Variants in ALX1 observed in about 807,000 individuals in gnomAD.
ALX1 encodes ALX homeobox 1.
Under a neutral mutation model 31.7 loss-of-function variants are expected in ALX1, and 19 were observed. The observed-to-expected ratio is 0.60, with a 90% CI of 0.42 to 0.88. ALX1 has a LOEUF of 0.88. Ranked by LOEUF, ALX1 falls within the 40% of genes least tolerant of loss-of-function variation. The probability of loss-of-function intolerance (pLI) is 0.00; values close to 1 mark genes in which losing one functional copy is unlikely to be tolerated. For synonymous variants in ALX1, 153 were observed against 148.8 expected, an observed-to-expected ratio of 1.03 and a Z score of -0.20; for missense variants, 415 against 407.8, an observed-to-expected ratio of 1.02 and a Z score of -0.15.
chr12:85,298,022 C>T (rs1446408043), intron 3 of ALX1, among the ~76,000 whole-genome samples: 1 of 151,622 alleles, frequency 6.6e-6, no homozygotes, highest in Non-Finnish European at 1.5e-5. Context: ...AAGGACTTAC[C>T]TTGTACCACA....
chr12:85,281,418 A>G (rs1252049943), intron 1 of ALX1, among the ~76,000 whole-genome samples: 1 of 152,230 alleles, frequency 6.6e-6, no homozygotes, highest in Non-Finnish European at 1.5e-5. Context: ...TTATCATTGT[A>G]TATATTCCAC....
intron 2 of ALX1, among the ~76,000 whole-genome samples, chr12:85,285,365 A>G (rs1419077536): frequency 6.6e-6 from 1 of 152,002 alleles, no homozygotes; most frequent in Non-Finnish European, 1.5e-5. Flanking sequence ...TCAATGGAAA[A>G]AAAAATAAAA....
At chr12:85,292,710 CTGTAGACATAT>C (rs1038730438) in intron 3 of ALX1, among the ~76,000 whole-genome samples, 2 of 150,540 alleles carry the variant, frequency 1.3e-5, no homozygotes, top group Non-Finnish European at 3.0e-5. Context: ...ATATAATAGA[CTGTAGACATAT>C]TGCTTATCTA....
intron 3 of ALX1, among the ~76,000 whole-genome samples, chr12:85,299,661 T>A (rs1404059876): frequency 6.6e-6 from 1 of 151,864 alleles, no homozygotes; most frequent in Non-Finnish European, 1.5e-5. Flanking sequence ...AAGGTTTTTC[T>A]CTTACGTTTT....
chr12:85,299,036 G>T (rs1012167601), intron 3 of ALX1, among the ~76,000 whole-genome samples: 3 of 150,536 alleles, frequency 2.0e-5, no homozygotes, highest in South Asian at 2.1e-4. Context: ...GAATATGAAT[G>T]AATGATTTTA....
intron 1 of ALX1, among the ~76,000 whole-genome samples, chr12:85,282,893 T>C (rs1896695962): frequency 7.1e-6 from 1 of 141,400 alleles, no homozygotes; most frequent in East Asian, 2.0e-4. Context: ...CGTAAGTTTT[T>C]AGGTAAAAAA....
intron 2 of ALX1, among the ~76,000 whole-genome samples, chr12:85,284,708 A>G (rs1434622982): frequency 1.3e-5 from 2 of 152,132 alleles, no homozygotes; most frequent in African/African-American, 2.4e-5. Context: ...TACATTTGAT[A>G]TTCTTAAACT....
intron 3 of ALX1, among the ~76,000 whole-genome samples, chr12:85,299,723 G>A (rs1896938325): frequency 6.6e-6 from 1 of 151,758 alleles, no homozygotes; most frequent in Non-Finnish European, 1.5e-5. Context: ...TTTTACCAGT[G>A]TGATCTAGAA....
intron 3 of ALX1, among the ~76,000 whole-genome samples, chr12:85,292,561 G>A (rs1896831955): frequency 6.6e-6 from 1 of 151,020 alleles, no homozygotes; most frequent in Non-Finnish European, 1.5e-5. Context: ...TCAAGTTATA[G>A]GTAATTTGTG....
At position 85,301,605 on chromosome 12, in the gene ALX1, T is replaced by G; in HGVS notation, c.*130T>G. 1.1e-6 allele frequency: 1 copy of G among 915,212 alleles called. No homozygotes were observed. The highest frequency in any genetic ancestry group is 1.5e-5 in the South Asian group (1 of 65,032). The allele number at this position is 915,212 out of a possible 1,614,324, so 56.7% of individuals were successfully genotyped here. ...GTCAAGATATTCAGTGAGACCAGCT[T>G]AAATGAATAGTTGTTATTTAACATT... is the stretch of plus-strand genomic sequence containing the variant. On this transcript the variant is annotated 3_prime_UTR_variant, in exon 4 of 4. Transcript: ENST00000316824.
At chr12:85,288,673 A>G (rs532063179) in intron 3 of ALX1, among the ~76,000 whole-genome samples, 1 of 151,528 alleles carries the variant, frequency 6.6e-6, no homozygotes, top group Admixed American at 6.6e-5. Flanking sequence ...CCTCACAACA[A>G]CCTTATGTGC....
chr12:85,284,303 G>A (rs1896720818), intron 2 of ALX1, among the ~76,000 whole-genome samples: 2 of 143,746 alleles, frequency 1.4e-5, no homozygotes, highest in Admixed American at 7.0e-5. Context: ...TTGTATAATA[G>A]CCCATACATC....
intron 3 of ALX1, among the ~76,000 whole-genome samples, chr12:85,292,190 A>G (rs550921355): frequency 4.4e-4 from 66 of 151,164 alleles, no homozygotes; most frequent in African/African-American, 1.2e-3. Flanking sequence ...TAATTAATCC[A>G]ATCTCTGAGT....
chr12:85,282,997 A>G (rs2137376084), intron 1 of ALX1, among the ~76,000 whole-genome samples: 1 of 152,358 alleles, frequency 6.6e-6, no homozygotes, highest in African/African-American at 2.4e-5. Context: ...ATTTTTGAAG[A>G]AAAAGTGTAA....
chr12:85,284,618 T>G (rs746897150), intron 2 of ALX1, among the ~76,000 whole-genome samples: 27 of 152,276 alleles, frequency 1.8e-4, no homozygotes, highest in Non-Finnish European at 3.5e-4. Context: ...TGATCCAATA[T>G]GCTTAATTTT....
At chr12:85,289,607 A>G (rs1565941812) in intron 3 of ALX1, among the ~76,000 whole-genome samples, 1 of 151,232 alleles carries the variant, frequency 6.6e-6, no homozygotes. Flanking sequence ...AATTACTTCA[A>G]CAGTGCCAAT....
Position 85,280,441 on chromosome 12 carries a change from G to T in ALX1, c.180G>T (p.Glu60Asp). 1 of 1,612,198 alleles carries T rather than the reference G, an allele frequency of 6.2e-7. No individual in the cohort carries two copies. Among genetic ancestry groups the T allele is most frequent in the Non-Finnish European group, 8.5e-7 (1 of 1,180,008 alleles). ...VQAFGPLPRA[E>D]HHVRLERTSP... ...CCTTCGGACCCCTGCCCCGCGCCGA[G>T]CATCACGTGCGCTTGGAGAGGACCT... The change falls in exon 1 of 4, where the codon GAG becomes GAT. Residue 60 changes from glutamate (E) to aspartate (D), a missense_variant. Physicochemically the swap from Glu to Asp is conservative, Grantham distance 45. Transcript: ENST00000316824.
chr12:85,288,873 T>C (rs1896782350), intron 3 of ALX1, among the ~76,000 whole-genome samples: 1 of 151,394 alleles, frequency 6.6e-6, no homozygotes, highest in Admixed American at 6.6e-5. Flanking sequence ...GTCTGCGCTT[T>C]AGTGTCAGGA....
chr12:85,288,021 T>G (rs1262079296), intron 3 of ALX1, among the ~76,000 whole-genome samples: 1 of 151,538 alleles, frequency 6.6e-6, no homozygotes, highest in Non-Finnish European at 1.5e-5. Context: ...TTCCTATGCC[T>G]TTTATGATTC....
Sources: gnomAD v4.1 joint callset for allele counts (sites outside exome capture counted in the v4.1 genomes callset) on GRCh38, gnomAD v4.1.1 for gene constraint, MANE v1.5 for transcripts, NCBI Gene and HGNC (gene_info 2026-07-23, HGNC 2026-07-21) for gene names.